The following COL18A1 variants were observed in gnomAD, a reference collection of about 807,000 sequenced individuals.
The protein encoded by COL18A1 is collagen alpha-1(XVIII) chain.
COL18A1 carries 133 observed loss-of-function variants against 168.0 expected under a neutral mutation model. The ratio of observed to expected loss-of-function variants is 0.79; its 90% confidence interval spans 0.69 to 0.91. The LOEUF (loss-of-function observed/expected upper bound fraction) is 0.91. Ranked by LOEUF, COL18A1 falls within the 40% of genes least tolerant of loss-of-function variation. The pLI, the probability that COL18A1 is intolerant of heterozygous loss-of-function variation, is 0.00. For missense variants in COL18A1, 2,126 were observed against 1,925.4 expected, an observed-to-expected ratio of 1.10 and a Z score of -1.95; for synonymous variants, 949 against 809.0, an observed-to-expected ratio of 1.17 and a Z score of -2.94.
At position 45,442,130 on chromosome 21, in the gene COL18A1, G is replaced by A. The variant is rs369436108; in HGVS notation, c.107-26112G>A. Among the ~76,000 whole-genome samples the A allele has an allele frequency of 9.1e-4, 139 of 152,348 alleles. 2 individuals are homozygous for A. The highest frequency in any genetic ancestry group is 3.1e-3 in the African/African-American group (129 of 41,590). On this transcript the variant is annotated intron_variant, in intron 2 of 41. Coordinates refer to ENST00000651438, the MANE Select transcript of COL18A1 (RefSeq NM_001379500.1). ...TGCAGCTCGGCTGTGCCCTTGAGTG[G>A]GTGGCGCTGCCCTGTTGCCCACCGT...
intron 2 of COL18A1, among the ~76,000 whole-genome samples, chr21:45,438,304 TCAGA>T (rs1186314123): frequency 1.0e-4 from 7 of 68,724 alleles, no homozygotes; most frequent in South Asian, 8.8e-4. Flanking sequence ...ACACACACAC[TCAGA>T]CACACAGGCA....
At chr21:45,429,335 G>A (rs1792049603) in intron 2 of COL18A1, among the ~76,000 whole-genome samples, 1 of 152,222 alleles carries the variant, frequency 6.6e-6, no homozygotes, top group African/African-American at 2.4e-5. Context: ...GGCGTTGCAG[G>A]TGCACAGTTG....
Position 45,443,761 on chromosome 21 carries a change from G to A in COL18A1, c.107-24481G>A, listed in dbSNP as rs141237470. The stretch of plus-strand genomic sequence containing the variant: ...TGAAGAGTCTTTATGAGAGCAATGC[G>A]GCCCCGTGCCCCTTTACGCGGCTCT... On this transcript the variant is annotated intron_variant, in intron 2 of 41. Transcript: ENST00000651438. This position sits in a 1 kb window ranked among gnomAD's most constrained non-coding sequence, Gnocchi z 5.2. Among the ~76,000 whole-genome samples, 949 of 152,304 alleles carry A rather than the reference G, an allele frequency of 6.2e-3. 9 individuals are homozygous for A. Among genetic ancestry groups the A allele is most frequent in the Non-Finnish European group, 7.8e-3 (529 of 68,024 alleles).
chr21:45,464,829 C>G (rs2035148045), intron 2 of COL18A1, among the ~76,000 whole-genome samples: 1 of 152,182 alleles, frequency 6.6e-6, no homozygotes, highest in Non-Finnish European at 1.5e-5. Context: ...CTCCCATCTC[C>G]AGGTCCACAG....
At chr21:45,489,417 C>G (rs759724370) in intron 18 of COL18A1, 69 bp from the exon 19 acceptor site, 4 of 1,187,284 alleles carry the variant, frequency 3.4e-6, no homozygotes, top group Non-Finnish European at 4.9e-6. Flanking sequence ...TCCCTTCACC[C>G]GGGGTGGACG....
At chr21:45,493,437 C>T in intron 25 of COL18A1, 64 bp from the exon 26 acceptor site, 1 of 1,457,926 alleles carries the variant, frequency 6.9e-7, no homozygotes, top group South Asian at 1.2e-5. Flanking sequence ...GCCTTCGGGG[C>T]TCTGGGTGAG....
At chr21:45,503,080 A>G (rs1453342621) in intron 32 of COL18A1, 1 of 152,226 alleles carries the variant, frequency 6.6e-6, no homozygotes, top group Non-Finnish European at 1.5e-5. Flanking sequence ...CTTTGTGTAT[A>G]TACCCAGTAA....
chr21:45,461,239 G>A (rs2035035090), intron 2 of COL18A1, among the ~76,000 whole-genome samples: 1 of 152,134 alleles, frequency 6.6e-6, no homozygotes, highest in Non-Finnish European at 1.5e-5. Flanking sequence ...CCTCGGCTGT[G>A]CCCTGTTAGC....
intron 15 of COL18A1, among the ~76,000 whole-genome samples, chr21:45,484,248 A>C: frequency 6.9e-6 from 1 of 145,046 alleles, no homozygotes; most frequent in Non-Finnish European, 1.5e-5. Flanking sequence ...ACACCTCTCC[A>C]GCATATGTGC....
rs1201274354 is a variant in COL18A1, at chr21:45,437,492, TCA to T, written c.107-30743_107-30742del. ...GGCACTCTCCTGCACACACTCACAC[TCA>T]CACACAGGCACTCTCCTGCACACAC... On this transcript the variant is annotated intron_variant, in intron 2 of 41. Coordinates refer to ENST00000651438, the MANE Select transcript of COL18A1 (RefSeq NM_001379500.1). Among the ~76,000 whole-genome samples the T allele has an allele frequency of 7.6e-4, 12 of 15,740 alleles. 1 individual carries two copies. Among genetic ancestry groups the T allele is most frequent in the Admixed American group, 7.4e-4 (1 of 1,356 alleles). The allele number at this position is 15,740 out of a possible 152,430, so 10.3% of individuals were successfully genotyped here.
rs200043539 is a variant in COL18A1 at position 45,510,224 on chromosome 21, G to A, written c.3656G>A (p.Arg1219His). Residue 1219 changes from arginine (R) to histidine (H), a missense_variant, in exon 40 of 42, where the codon CGT (arginine) becomes CAT (histidine). Physicochemically the swap from Arg to His is conservative, Grantham distance 29. Transcript: ENST00000651438. ...CAGGACCTGTACAGCATCGTGCGCC[G>A]TGCCGACCGCGCAGCCGTGCCCATC... The part of the protein sequence containing the change: ...RLQDLYSIVR[R>H]ADRAAVPIVN... 1,087 of 1,606,496 alleles carry A rather than the reference G, an allele frequency of 6.8e-4. 3 individuals carry two copies. Among genetic ancestry groups the A allele is most frequent in the Non-Finnish European group, 8.4e-4 (984 of 1,177,200 alleles).
At chr21:45,452,906 T>C (rs1184782275) in intron 2 of COL18A1, among the ~76,000 whole-genome samples, 4 of 152,074 alleles carry the variant, frequency 2.6e-5, no homozygotes, top group Non-Finnish European at 4.4e-5. Flanking sequence ...TGAGCATGTA[T>C]GTACATGTGT....
chr21:45,507,378 G>A (rs1168901104), intron 37 of COL18A1, 183 bp from the exon 38 acceptor site: 6 of 667,946 alleles, frequency 9.0e-6, no homozygotes, highest in African/African-American at 3.6e-5. Context: ...TGGGAGGGCC[G>A]GGTGCTGGGC....
chr21:45,467,300 C>T, intron 2 of COL18A1: 11 of 985,448 alleles, frequency 1.1e-5, no homozygotes, highest in Non-Finnish European at 1.3e-5. Flanking sequence ...TGACCCTGGG[C>T]TACTGAGTCG....
Position 45,513,149 on chromosome 21 carries a change from T to G in COL18A1, c.*751T>G, listed in dbSNP as rs1030552898. The G allele has an allele frequency of 4.6e-5, 7 of 152,470 alleles. No individual in the cohort carries two copies. Among genetic ancestry groups the G allele is most frequent in the African/African-American group, 1.7e-4 (7 of 41,548 alleles). 9.4% of individuals were successfully genotyped at this position (152,470 alleles called of 1,614,324 possible). On this transcript the variant is annotated 3_prime_UTR_variant, in exon 42 of 42. Coordinates refer to ENST00000651438, the MANE Select transcript of COL18A1 (RefSeq NM_001379500.1). ...CCTGGCCGAGTCCAAGCTGGGAGAT[T>G]CAAGGGACCCATGAGTTGGGGTCTG...
intron 2 of COL18A1, among the ~76,000 whole-genome samples, chr21:45,444,562 A>C (rs1428063843): frequency 6.6e-6 from 1 of 151,938 alleles, no homozygotes; most frequent in Non-Finnish European, 1.5e-5. Context: ...TGGACAGAGG[A>C]GCCCTCGATA....
At chr21:45,510,895 G>A (rs1305294173) in intron 40 of COL18A1, among the ~76,000 whole-genome samples, 2 of 151,872 alleles carry the variant, frequency 1.3e-5, no homozygotes, top group Non-Finnish European at 2.9e-5. Flanking sequence ...CTTGTTCCCT[G>A]GCAGGACATG....
chr21:45,474,272 T>C (rs1196457400), intron 4 of COL18A1, among the ~76,000 whole-genome samples: 1 of 149,416 alleles, frequency 6.7e-6, no homozygotes, highest in Non-Finnish European at 1.5e-5. Flanking sequence ...TGTCTGTGTC[T>C]GTGTGGTGTG....
rs1160233723 is a variant in COL18A1, at chr21:45,512,948, C to T, written c.*550C>T. ...AGGTCCCTGGGGCTAGGGGGAGCCC[C>T]TTCTGCTCAGCTCTGGGCCATTCTC... On this transcript the variant is annotated 3_prime_UTR_variant, in exon 42 of 42. Coordinates refer to ENST00000651438, the MANE Select transcript of COL18A1 (RefSeq NM_001379500.1). 10 of 185,226 alleles carry T rather than the reference C, an allele frequency of 5.4e-5. No homozygotes were observed. The highest frequency in any genetic ancestry group is 5.3e-4 in the Admixed American group (10 of 18,706). The allele number at this position is 185,226 out of a possible 1,614,324, so 11.5% of individuals were successfully genotyped here. A position where few individuals can be genotyped will look rare whatever the true frequency, so the allele number is the denominator to read the frequency against.
Sources: gnomAD v4.1 joint callset for allele counts (sites outside exome capture counted in the v4.1 genomes callset) on GRCh38, gnomAD v4.1.1 for gene constraint, Gnocchi (gnomAD v3.1) non-coding constraint, MANE v1.5 for transcripts, NCBI Gene and HGNC (gene_info 2026-07-23, HGNC 2026-07-21) for gene names.